The following SIN3A variants were observed in gnomAD, a reference collection of about 807,000 sequenced individuals.
The protein encoded by SIN3A is SIN3 transcription regulator family member A, also known as paired amphipathic helix protein Sin3a.
A neutral mutation model predicts 146.1 loss-of-function variants in SIN3A; 14 were observed. That is an observed-to-expected ratio of 0.10 (90% confidence interval 0.06 to 0.15). The LOEUF (loss-of-function observed/expected upper bound fraction) is 0.15, where lower values mean the gene tolerates loss of function less well. SIN3A is among the 10% of genes least tolerant of loss of function. The pLI is 1.00. For missense variants in SIN3A, 1,028 were observed against 1,576.0 expected (o/e 0.65, Z 5.89); for synonymous variants, 572 against 572.0 (o/e 1.00, Z 0.00).
intron 1 of SIN3A, among the ~76,000 whole-genome samples, chr15:75,433,028 G>A (rs188846499): frequency 5.1e-4 from 78 of 152,134 alleles, no homozygotes; most frequent in African/African-American, 1.8e-3. Context: ...GGGACAGCGC[G>A]ACTGTCTCAA....
intron 10 of SIN3A, 146 bp from the exon 11 acceptor site, chr15:75,401,086 T>G (rs2073402871): frequency 1.6e-6 from 1 of 631,214 alleles, no homozygotes; most frequent in Non-Finnish European, 2.8e-6. Context: ...TTCTGAGCAT[T>G]TGGTTTCCCC....
chr15:75,384,216 A>G lies in SIN3A; in HGVS notation c.3195+48T>C, dbSNP rs143167655. 1.6e-4 allele frequency: 242 copies of G among 1,490,322 alleles called. No homozygotes were observed. In the African/African-American group the frequency reaches 2.9e-3, roughly 18 times the overall value. The allele number at this position is 1,490,322 out of a possible 1,614,324, so 92.3% of individuals were successfully genotyped here. A position where few individuals can be genotyped will look rare whatever the true frequency, so the allele number is the denominator to read the frequency against. On this transcript the variant is annotated intron_variant, in intron 17 of 20. Coordinates refer to ENST00000394947, the MANE Select transcript of SIN3A (RefSeq NM_001145358.2). ...ACTTCTGGTTCAGAGAATCCTAACA[A>G]CTGACATTGTCACCAGCAAGGTCTT...
chr15:75,384,580 AAATT>A (rs2141397358), intron 16 of SIN3A, 143 bp from the exon 17 acceptor site: 1 of 447,750 alleles, frequency 2.2e-6, no homozygotes, highest in South Asian at 3.3e-5. Flanking sequence ...CAATTTTAGA[AAATT>A]AATCACACAA....
At chr15:75,444,800 C>A (rs2074276392) in intron 1 of SIN3A, among the ~76,000 whole-genome samples, 1 of 152,190 alleles carries the variant, frequency 6.6e-6, no homozygotes, top group African/African-American at 2.4e-5. Context: ...TGTTGATTTT[C>A]TGATTTGATC....
At chr15:75,445,870 G>C (rs2074298808) in intron 1 of SIN3A, among the ~76,000 whole-genome samples, 1 of 151,980 alleles carries the variant, frequency 6.6e-6, no homozygotes, top group Non-Finnish European at 1.5e-5. Context: ...ATCTCACACT[G>C]CTTTTATCAC....
At chr15:75,434,344 T>C (rs1041255640) in intron 1 of SIN3A, among the ~76,000 whole-genome samples, 1 of 152,124 alleles carries the variant, frequency 6.6e-6, no homozygotes, top group Non-Finnish European at 1.5e-5. Context: ...ATAGCCTCAC[T>C]AGTAATAAAA....
chr15:75,431,165 G>A (rs981828464), intron 1 of SIN3A, among the ~76,000 whole-genome samples: 1 of 152,158 alleles, frequency 6.6e-6, no homozygotes, highest in African/African-American at 2.4e-5. Context: ...ATGGTATCAT[G>A]GAAAGAATAC....
chr15:75,449,932 A>T (rs1461828750), intron 1 of SIN3A, among the ~76,000 whole-genome samples: 1 of 152,080 alleles, frequency 6.6e-6, no homozygotes, highest in Non-Finnish European at 1.5e-5. Context: ...GGCGCTTGCC[A>T]CCACGCCCAG....
At position 75,392,350 on chromosome 15, in the gene SIN3A, G is replaced by T. The variant is rs781339751; in HGVS notation, c.2743C>A (p.Arg915=). 5.0e-6 allele frequency: 8 copies of T among 1,614,080 alleles called. No homozygotes were observed. The Admixed American group carries it at 1.0e-4, about 20-fold the overall frequency. ...TCTCGGTTTTCTTCTTCAATTTGCC[G>T]TTCGGCTTGGGAACAAATCCGTAGC... ...RLLRICSQAE[R]QIEEENRERE... Residue 915 remains arginine, a synonymous_variant, in exon 15 of 21, where the codon CGG becomes AGG. Transcript: ENST00000394947.
At position 75,383,560 on chromosome 15, in the gene SIN3A, GCT is replaced by G. The variant is rs1383470990; in HGVS notation, c.3195+702_3195+703del. ...TTTTTTTTTTTTGAGACGGAGTCTC[GCT>G]CTGTCTCCCAGGCTGGAGTGCAGTG... On this transcript the variant is annotated intron_variant, in intron 17 of 20. Coordinates refer to ENST00000394947, the MANE Select transcript of SIN3A (RefSeq NM_001145358.2). Among the ~76,000 whole-genome samples, 5 of 147,326 alleles carry G rather than the reference GCT, an allele frequency of 3.4e-5. No homozygotes were observed. The Admixed American group carries it at 3.4e-4, about 10-fold the overall frequency.
chr15:75,405,344 C>G (rs1380745870), intron 9 of SIN3A, among the ~76,000 whole-genome samples: 1 of 145,662 alleles, frequency 6.9e-6, no homozygotes, highest in Non-Finnish European at 1.5e-5. Flanking sequence ...CCAGCCTGGG[C>G]AACAAGAGCG....
intron 1 of SIN3A, among the ~76,000 whole-genome samples, chr15:75,434,475 C>T (rs1018413467): frequency 1.3e-5 from 2 of 151,902 alleles, no homozygotes; most frequent in African/African-American, 4.8e-5. Context: ...CATGGTGAAA[C>T]CCTCCCTCTA....
At chr15:75,433,106 G>A (rs994435247) in intron 1 of SIN3A, among the ~76,000 whole-genome samples, 20 of 152,016 alleles carry the variant, frequency 1.3e-4, no homozygotes, top group African/African-American at 4.6e-4. Flanking sequence ...AGCACGGCAC[G>A]ACTATAGAAA....
intron 2 of SIN3A, among the ~76,000 whole-genome samples, chr15:75,429,836 G>A (rs2073985279): frequency 6.6e-6 from 1 of 152,074 alleles, no homozygotes; most frequent in Non-Finnish European, 1.5e-5. Context: ...AGTCAAAGAA[G>A]AAAATGTTTC....
chr15:75,378,006 T>G (rs1177952955), intron 19 of SIN3A, among the ~76,000 whole-genome samples: 2 of 152,234 alleles, frequency 1.3e-5, no homozygotes, highest in Non-Finnish European at 2.9e-5. Context: ...ACCCTGAGCT[T>G]GACAGCTTCC....
chr15:75,389,516 C>G, intron 16 of SIN3A, 136 bp downstream of exon 16: 1 of 786,950 alleles, frequency 1.3e-6, no homozygotes, highest in Non-Finnish European at 2.0e-6. Context: ...ATCACATTAA[C>G]CTCCCCTCCT....
At chr15:75,409,025 G>A (rs1471890267) in intron 8 of SIN3A, among the ~76,000 whole-genome samples, 3 of 152,050 alleles carry the variant, frequency 2.0e-5, no homozygotes, top group East Asian at 1.9e-4. Context: ...CCAACATGGC[G>A]AAACCCCATC....
chr15:75,384,518 C>T, intron 16 of SIN3A, 81 bp from the exon 17 acceptor site: 1 of 495,208 alleles, frequency 2.0e-6, no homozygotes, highest in Non-Finnish European at 2.7e-6. Context: ...TTGATGTAGT[C>T]ATTCAACTCC....
intron 17 of SIN3A, among the ~76,000 whole-genome samples, chr15:75,383,373 AATG>A (rs1274664171): frequency 6.6e-6 from 1 of 152,074 alleles, no homozygotes; most frequent in East Asian, 1.9e-4. Flanking sequence ...AGATGTCATC[AATG>A]ATAATTTCAG....
Sources: allele counts gnomAD v4.1 joint callset (sites outside exome capture counted in the v4.1 genomes callset), GRCh38; gene constraint gnomAD v4.1.1; transcripts MANE v1.5; gene names NCBI Gene and HGNC (gene_info 2026-07-23, HGNC 2026-07-21).